RBBP6: variants seen among roughly 807,000 people sequenced by gnomAD.
RBBP6 encodes the protein E3 ubiquitin-protein ligase RBBP6.
A neutral mutation model predicts 167.7 loss-of-function variants in RBBP6; 25 were observed. The observed-to-expected ratio is 0.15, with a 90% CI of 0.11 to 0.21. The LOEUF (loss-of-function observed/expected upper bound fraction) is 0.21, where lower values mean the gene tolerates loss of function less well. Among genes scored for constraint, RBBP6 ranks in the 10% least tolerant of loss-of-function variants. The probability of loss-of-function intolerance (pLI) is 1.00; values close to 1 mark genes in which losing one functional copy is unlikely to be tolerated. For missense variants in RBBP6, 1,868 were observed against 2,134.2 expected (o/e 0.88, Z 2.46); for synonymous variants, 789 against 735.8 (o/e 1.07, Z -1.17).
chr16:24,544,607 G>T (rs1241456920), intron 1 of RBBP6, among the ~76,000 whole-genome samples: 3 of 152,078 alleles, frequency 2.0e-5, no homozygotes, highest in Non-Finnish European at 4.4e-5. Flanking sequence ...ACAATAAAAA[G>T]GCCTGGTTGT....
chr16:24,571,108 G>C lies in RBBP6; in HGVS notation c.4042G>C (p.Val1348Leu). ...PISSVGKPAS[V>L]IKNVSTKPSN... ...ATCAAGTGTAGGAAAACCTGCTAGT[G>C]TTATAAAAAATGTTAGTACAAAGCC... The change falls in exon 18 of 18, where the codon GTT (valine) becomes CTT (leucine). Residue 1348 changes from valine (V) to leucine (L), a missense_variant. Coordinates refer to ENST00000319715, the MANE Select transcript of RBBP6 (RefSeq NM_006910.5). The C allele has an allele frequency of 6.2e-7, 1 of 1,612,652 alleles. No individual in the cohort carries two copies. The highest frequency in any genetic ancestry group is 8.5e-7 in the Non-Finnish European group (1 of 1,179,178).
intron 11 of RBBP6, 53 bp from the exon 12 acceptor site, chr16:24,563,370 C>CTTTTTTTTTTTTTTTTTTAATTTTTTCTT: frequency 7.6e-7 from 1 of 1,308,074 alleles, no homozygotes; most frequent in East Asian, 2.6e-5. Context: ...GTTCTTACCT[C>CTTTTTTTTTTTTTTTTTTAATTTTTTCTT]TTTTTTTTTT....
chr16:24,552,901 TCTC>T (rs1039699239), intron 3 of RBBP6: 4 of 151,970 alleles, frequency 2.6e-5, no homozygotes, highest in Admixed American at 1.3e-4. Flanking sequence ...CTGTTGGCCT[TCTC>T]CTCAGGGTGC....
rs999234647 is a variant in RBBP6, at chr16:24,542,682, C to T, written c.166+1890C>T. Among the ~76,000 whole-genome samples the T allele has an allele frequency of 3.3e-5, 5 of 152,084 alleles. No homozygotes were observed. The South Asian group carries it at 6.2e-4, about 19-fold the overall frequency. ...TTTGTCTTGCTGGCCAGGCTGGTCT[C>T]GAACTCTTGGCCTCAAGTGATCCAC... On this transcript the variant is annotated intron_variant, in intron 1 of 17. Coordinates refer to ENST00000319715, the MANE Select transcript of RBBP6 (RefSeq NM_006910.5).
intron 1 of RBBP6, among the ~76,000 whole-genome samples, chr16:24,544,548 A>T (rs891783772): frequency 6.6e-6 from 1 of 152,226 alleles, no homozygotes; most frequent in African/African-American, 2.4e-5. Context: ...AAGAACAGAG[A>T]TAGTCACTTT....
chr16:24,572,095 C>T lies in RBBP6; in HGVS notation c.5029C>T (p.Leu1677=), dbSNP rs751415818. The T allele has an allele frequency of 3.7e-6, 6 of 1,614,040 alleles. No homozygotes were observed. Among genetic ancestry groups the T allele is most frequent in the Non-Finnish European group, 4.2e-6 (5 of 1,180,022 alleles). The change falls in exon 18 of 18, where the codon CTG becomes TTG. Residue 1677 remains leucine (L), a synonymous_variant. Transcript: ENST00000319715. ...DKIVEKAKES[L]DTAAVVQVGI... ...AATAGTGGAGAAAGCAAAAGAGAGC[C>T]TGGACACAGCAGCAGTTGTCCAGGT... is the stretch of plus-strand genomic sequence containing the variant.
At position 24,570,008 on chromosome 16, in the gene RBBP6, A is replaced by T. The variant is rs1899287746; in HGVS notation, c.3318A>T (p.Lys1106Asn). The change falls in exon 17 of 18, where the codon AAA (lysine) becomes AAT (asparagine). Residue 1106 changes from lysine (K) to asparagine (N), a missense_variant. Transcript: ENST00000319715. ...AACACCAAGAAACAAAACCAGTCAA[A>T]GAGGAAAAAGTGAAGAAGGACTATT... is the stretch of plus-strand genomic sequence containing the variant. ...AKEHQETKPV[K>N]EEKVKKDYSK... 1.3e-6 allele frequency: 2 copies of T among 1,598,646 alleles called. No homozygotes were observed. The highest frequency in any genetic ancestry group is 2.3e-5 in the South Asian group (2 of 87,158).
At chr16:24,547,527 A>G (rs995855508) in intron 2 of RBBP6, among the ~76,000 whole-genome samples, 20 of 152,112 alleles carry the variant, frequency 1.3e-4, no homozygotes, top group Admixed American at 5.9e-4. Flanking sequence ...CAGTGGCACA[A>G]TCTTGGCTCA....
rs766418375 is a variant in RBBP6, at chr16:24,571,282, C to A, written c.4216C>A (p.Arg1406=). ...TAGTGAAAAAGGGAAAACCAAAGAT[C>A]GAGATTATTCAGTGTTGGAAAAGGA... ...ASSEKGKTKD[R]DYSVLEKENP... The change falls in exon 18 of 18, where the codon CGA becomes AGA. Residue 1406 remains arginine (R), a synonymous_variant. Transcript: ENST00000319715. 6.2e-7 allele frequency: 1 copy of A among 1,612,602 alleles called. No homozygotes were observed. The highest frequency in any genetic ancestry group is 8.5e-7 in the Non-Finnish European group (1 of 1,179,680).
In RBBP6 at chr16:24,555,811, C is replaced by T. The variant is rs758449506; in HGVS notation, c.438-10C>T. The stretch of plus-strand genomic sequence containing the variant: ...CCTCGTATACATGTAATTTTTTTTC[C>T]CCCTTTTAGTTACATGAAGAAACCT... On this transcript the variant is annotated splice_polypyrimidine_tract_variant and intron_variant, in intron 5 of 17. Coordinates refer to ENST00000319715, the MANE Select transcript of RBBP6 (RefSeq NM_006910.5). 11 of 1,598,302 alleles carry T rather than the reference C, an allele frequency of 6.9e-6. 1 individual carries two copies. In the South Asian group the frequency reaches 1.0e-4, roughly 14 times the overall value.
intron 11 of RBBP6, 45 bp downstream of exon 11, chr16:24,563,340 G>A: frequency 3.2e-6 from 5 of 1,567,082 alleles, no homozygotes; most frequent in Non-Finnish European, 3.5e-6. Flanking sequence ...TTTACAGCAG[G>A]GTTTTGTTTT....
At chr16:24,563,323 G>C (rs758289958) in intron 11 of RBBP6, 28 bp downstream of exon 11, 8 of 1,573,780 alleles carry the variant, frequency 5.1e-6, no homozygotes, top group African/African-American at 1.4e-5. Context: ...TTTAATTTGG[G>C]ATTTTTTTTA....
rs538180135 is a variant in RBBP6 at position 24,565,566 on chromosome 16, G to T, written c.1589+701G>T. 2.6e-5 allele frequency among the ~76,000 whole-genome samples: 4 copies of T among 152,350 alleles called. No individual in the cohort carries two copies. In the South Asian group the frequency reaches 8.3e-4, roughly 32 times the overall value. On this transcript the variant is annotated intron_variant, in intron 14 of 17. Coordinates refer to ENST00000319715, the MANE Select transcript of RBBP6 (RefSeq NM_006910.5). ...TTCTCATAGGAGCATGAACCCTGTT[G>T]TGAACTGCGTGTGCAAAGGATCTGG...
chr16:24,549,346 ATGTACAGGC>A, intron 3 of RBBP6: 1 of 1,065,844 alleles, frequency 9.4e-7, no homozygotes, highest in Non-Finnish European at 1.1e-6. Flanking sequence ...TTTTGTATGT[ATGTACAGGC>A]TGTTGTGTGC....
chr16:24,562,200 G>A (rs753684581), intron 10 of RBBP6, 39 bp downstream of exon 10: 3 of 1,511,638 alleles, frequency 2.0e-6, no homozygotes, highest in South Asian at 2.3e-5. Flanking sequence ...AACCAAATGA[G>A]GTCAATGATG....
intron 1 of RBBP6, among the ~76,000 whole-genome samples, chr16:24,541,666 A>G (rs1444854518): frequency 1.3e-5 from 2 of 152,240 alleles, no homozygotes; most frequent in African/African-American, 4.8e-5. Flanking sequence ...AATATTGGGA[A>G]CTTAACAGTA....
chr16:24,562,980 A>C (rs1428570036), intron 10 of RBBP6, among the ~76,000 whole-genome samples: 1 of 149,898 alleles, frequency 6.7e-6, no homozygotes, highest in Non-Finnish European at 1.5e-5. Context: ...TCATAACTGT[A>C]GTATCTTCTT....
chr16:24,570,249 G>C lies in RBBP6; in HGVS notation c.3559G>C (p.Asp1187His). 1 of 1,612,526 alleles carries C rather than the reference G, an allele frequency of 6.2e-7. No individual in the cohort carries two copies. Among genetic ancestry groups the C allele is most frequent in the Middle Eastern group, 1.7e-4 (1 of 6,056 alleles). ...ATCACCAAAGCGCAAAATGGAACCT[G>C]ATACTGAAAAAATGGATAGGACCCC... ...KPSPKRKMEP[D>H]TEKMDRTPEK... Residue 1187 changes from aspartate (D) to histidine (H), a missense_variant, in exon 17 of 18, where the codon GAT becomes CAT. By Grantham distance (81) the Asp-to-His change is moderately conservative (BLOSUM62 -1). Transcript: ENST00000319715.
At chr16:24,552,813 A>G (rs1017136375) in intron 3 of RBBP6, among the ~76,000 whole-genome samples, 1 of 151,788 alleles carries the variant, frequency 6.6e-6, no homozygotes, top group Non-Finnish European at 1.5e-5. Flanking sequence ...GCCCTCTTAT[A>G]TCCTTTATGT....
Sources: gnomAD v4.1 joint callset for allele counts (sites outside exome capture counted in the v4.1 genomes callset) on GRCh38, gnomAD v4.1.1 for gene constraint, MANE v1.5 for transcripts, NCBI Gene and HGNC (gene_info 2026-07-23, HGNC 2026-07-21) for gene names.